The following BMS1 variants were observed in gnomAD, a reference collection of about 807,000 sequenced individuals.
The protein encoded by BMS1 is ribosome biogenesis protein BMS1 homolog.
In BMS1, 53 loss-of-function variants were observed where a neutral mutation model predicts 138.7. The ratio of observed to expected loss-of-function variants is 0.38; its 90% CI spans 0.31 to 0.48. BMS1 has a LOEUF of 0.48. Ranked by LOEUF, BMS1 falls within the 20% of genes least tolerant of loss-of-function variation. The probability of loss-of-function intolerance (pLI) is 0.97; values close to 1 mark genes in which losing one functional copy is unlikely to be tolerated. For missense variants in BMS1, 1,360 were observed against 1,565.5 expected (o/e 0.87, Z 2.22); for synonymous variants, 504 against 539.9 (o/e 0.93, Z 0.92).
chr10:42,817,667 G>A (rs1842388303), intron 15 of BMS1, among the ~76,000 whole-genome samples, 173 bp downstream of exon 15: 1 of 152,126 alleles, frequency 6.6e-6, no homozygotes, highest in African/African-American at 2.4e-5. Context: ...CATGCAGTGA[G>A]CTCATTGTTT....
chr10:42,817,558 C>T (rs1186668172), intron 15 of BMS1, 64 bp downstream of exon 15: 2 of 1,502,354 alleles, frequency 1.3e-6, no homozygotes, highest in African/African-American at 2.8e-5. Flanking sequence ...GAATCCCTGA[C>T]TTTGTTTGGG....
In BMS1 at chr10:42,811,515, ATTTTCT is replaced by A. The variant is rs1318114284; in HGVS notation, c.2330-5073_2330-5068del. Among the ~76,000 whole-genome samples the A allele has an allele frequency of 8.9e-5, 10 of 112,112 alleles. 2 individuals are homozygous for A. Among genetic ancestry groups the A allele is most frequent in the African/African-American group, 3.8e-4 (10 of 26,304 alleles). 73.5% of individuals were successfully genotyped at this position (112,112 alleles called of 152,430 possible). ...TACCCCACAAATGTTCACGTGTTGT[ATTTTCT>A]TTTTCTTTTTTTTTTTTTTTTGAGA... is the stretch of plus-strand genomic sequence containing the variant. On this transcript the variant is annotated intron_variant, in intron 13 of 22. Coordinates refer to ENST00000374518, the MANE Select transcript of BMS1 (RefSeq NM_014753.4).
At chr10:42,790,757 T>G (rs192099780) in intron 5 of BMS1, among the ~76,000 whole-genome samples, 1 of 151,526 alleles carries the variant, frequency 6.6e-6, no homozygotes, top group African/African-American at 2.4e-5. Flanking sequence ...GGCTGAGAAG[T>G]GAGAATTGCT....
At chr10:42,811,415 G>A (rs1008673521) in intron 13 of BMS1, among the ~76,000 whole-genome samples, 2 of 150,558 alleles carry the variant, frequency 1.3e-5, no homozygotes, top group South Asian at 4.2e-4. Flanking sequence ...AATTTCTTAG[G>A]TTATTGGTTT....
intron 13 of BMS1, among the ~76,000 whole-genome samples, chr10:42,812,808 G>A (rs1205300870): frequency 6.6e-6 from 1 of 152,220 alleles, no homozygotes; most frequent in Non-Finnish European, 1.5e-5. Context: ...CAATTGGCTT[G>A]TTTGAATAAA....
intron 12 of BMS1, among the ~76,000 whole-genome samples, chr10:42,798,834 G>A (rs1033575822): frequency 6.6e-5 from 10 of 152,182 alleles, no homozygotes; most frequent in Non-Finnish European, 1.3e-4. Flanking sequence ...GGCCCACAGA[G>A]GACAGGTTCA....
In BMS1 at chr10:42,834,208, G is replaced by T. The variant is rs539035908; in HGVS notation, c.*3112G>T. 4.2e-4 allele frequency: 64 copies of T among 151,958 alleles called. No individual in the cohort carries two copies. The highest frequency in any genetic ancestry group is 1.5e-3 in the African/African-American group (61 of 41,378). 9.4% of individuals were successfully genotyped at this position (151,958 alleles called of 1,614,324 possible). A position where few individuals can be genotyped will look rare whatever the true frequency, so the allele number is the denominator to read the frequency against. On this transcript the variant is annotated 3_prime_UTR_variant, in exon 23 of 23. Transcript: ENST00000374518. The stretch of plus-strand genomic sequence containing the variant: ...CTTATTTAATCATAGATGTGTTCAG[G>T]TGTGTTTGGTTTCCTATTTGTGGAT...
chr10:42,814,421 A>G (rs1407785915), intron 13 of BMS1, among the ~76,000 whole-genome samples: 1 of 151,472 alleles, frequency 6.6e-6, no homozygotes, highest in Non-Finnish European at 1.5e-5. Flanking sequence ...CTGTTACTGT[A>G]TTTTATATTT....
At chr10:42,793,730 G>A in intron 8 of BMS1, 122 bp from the exon 9 acceptor site, 1 of 1,143,564 alleles carries the variant, frequency 8.7e-7, no homozygotes, top group South Asian at 1.6e-5. Context: ...TCTGCTTTTT[G>A]AGGCATTAAG....
intron 11 of BMS1, among the ~76,000 whole-genome samples, chr10:42,798,216 C>A (rs926431564): frequency 7.2e-5 from 11 of 152,190 alleles, no homozygotes; most frequent in African/African-American, 2.7e-4. Flanking sequence ...TCTCACTCCT[C>A]GGCCTCTTAG....
intron 21 of BMS1, among the ~76,000 whole-genome samples, chr10:42,829,561 C>G (rs960166556): frequency 6.6e-6 from 1 of 152,100 alleles, no homozygotes; most frequent in African/African-American, 2.4e-5. Flanking sequence ...TGCCTGTAAT[C>G]CTAGCACTTT....
At position 42,831,759 on chromosome 10, in the gene BMS1, C is replaced by T. The variant is rs1842803717; in HGVS notation, c.*663C>T. ...CTTTAGACTTAGGAGATTATTGTCT[C>T]AGGTGCAGAGACCAAGGAAATCGTA... On this transcript the variant is annotated 3_prime_UTR_variant, in exon 23 of 23. Coordinates refer to ENST00000374518, the MANE Select transcript of BMS1 (RefSeq NM_014753.4). The T allele has an allele frequency of 1.3e-5, 2 of 152,352 alleles. No individual in the cohort carries two copies. The highest frequency in any genetic ancestry group is 4.1e-4 in the South Asian group (2 of 4,828). 9.4% of individuals were successfully genotyped at this position (152,352 alleles called of 1,614,324 possible). A position where few individuals can be genotyped will look rare whatever the true frequency, so the allele number is the denominator to read the frequency against.
Position 42,797,601 on chromosome 10 carries a change from G to A in BMS1, c.2089+78G>A, listed in dbSNP as rs558249045. On this transcript the variant is annotated intron_variant, in intron 11 of 22. Transcript: ENST00000374518. ...GATGAGGGAATTGGTTGGAGGATTC[G>A]GCTGGTATTGTTGACATCCATAATT... The A allele has an allele frequency of 5.0e-5, 70 of 1,408,176 alleles. No homozygotes were observed. The East Asian group carries it at 7.4e-4, about 15-fold the overall frequency. The allele number at this position is 1,408,176 out of a possible 1,614,324, so 87.2% of individuals were successfully genotyped here.
At chr10:42,789,345 T>A (rs1017193200) in intron 4 of BMS1, among the ~76,000 whole-genome samples, 7 of 152,258 alleles carry the variant, frequency 4.6e-5, no homozygotes, top group African/African-American at 1.7e-4. Flanking sequence ...CACCTTCATA[T>A]ATTCTGTGGT....
intron 13 of BMS1, among the ~76,000 whole-genome samples, chr10:42,807,659 T>G (rs1842051816): frequency 6.6e-6 from 1 of 152,114 alleles, no homozygotes; most frequent in Admixed American, 6.6e-5. Flanking sequence ...TTTGTTTGTT[T>G]GTTTGTTTTG....
intron 13 of BMS1, among the ~76,000 whole-genome samples, chr10:42,804,934 T>C (rs910721745): frequency 6.6e-6 from 1 of 152,094 alleles, no homozygotes; most frequent in African/African-American, 2.4e-5. Flanking sequence ...GTCAGGCTGG[T>C]CTTGAACTCC....
At chr10:42,822,990 T>G in intron 19 of BMS1, 128 bp from the exon 20 acceptor site, 1 of 973,284 alleles carries the variant, frequency 1.0e-6, no homozygotes. Context: ...CGAATACATT[T>G]TGTTTATTTT....
chr10:42,783,012 T>C (rs1841202928), intron 1 of BMS1, among the ~76,000 whole-genome samples, 182 bp downstream of exon 1: 1 of 151,982 alleles, frequency 6.6e-6, no homozygotes, highest in African/African-American at 2.4e-5. Flanking sequence ...AGTGACGTGA[T>C]GAATCCCTGC....
In BMS1 at chr10:42,798,564, C is replaced by CT. The variant is rs1264926276; in HGVS notation, c.2187dup (p.Asp730Ter). ...CCTGACAGAGAGTGTAAGCACAAGGCTGACTCTTTGGACTGCTCCAGATTT... is the reference window on the plus strand; with the variant it reads ...CCTGACAGAGAGTGTAAGCACAAGGCTTGACTCTTTGGACTGCTCCAGATTT... On this transcript the variant is annotated frameshift_variant, in exon 12 of 23. Transcript: ENST00000374518. LOFTEE classifies it high-confidence loss of function. The CT allele has an allele frequency of 6.2e-7, 1 of 1,614,248 alleles. No individual in the cohort carries two copies. Among genetic ancestry groups the CT allele is most frequent in the Admixed American group, 1.7e-5 (1 of 60,034 alleles).
Sources: gnomAD v4.1 joint callset for allele counts (sites outside exome capture counted in the v4.1 genomes callset) on GRCh38, gnomAD v4.1.1 for gene constraint, MANE v1.5 for transcripts, NCBI Gene and HGNC (gene_info 2026-07-23, HGNC 2026-07-21) for gene names.